Variants in NEK3 observed in about 807,000 individuals in gnomAD.
NEK3 encodes the protein serine/threonine-protein kinase Nek3.
A neutral mutation model predicts 66.0 loss-of-function variants in NEK3; 54 were observed. The observed-to-expected ratio is 0.82, with a 90% CI of 0.66 to 1.03. NEK3 has a LOEUF of 1.03. NEK3 is among the 50% of genes least tolerant of loss of function. NEK3 has a pLI of 0.00. For missense variants in NEK3, 593 were observed against 603.0 expected (o/e 0.98, Z 0.17); for synonymous variants, 200 against 206.2 (o/e 0.97, Z 0.26).
At chr13:52,152,423 C>G (rs1381452181) in intron 5 of NEK3, among the ~76,000 whole-genome samples, 186 bp downstream of exon 5, 1 of 152,046 alleles carries the variant, frequency 6.6e-6, no homozygotes, top group Non-Finnish European at 1.5e-5. Context: ...CATAAACATA[C>G]ATAATTTTTG....
At chr13:52,143,359 G>A (rs1441010254) in intron 10 of NEK3, among the ~76,000 whole-genome samples, 3 of 150,832 alleles carry the variant, frequency 2.0e-5, no homozygotes, top group Non-Finnish European at 4.4e-5. Flanking sequence ...GCAAAACTGA[G>A]TGGTGAATAC....
chr13:52,154,580 T>C (rs1324538043), intron 2 of NEK3, among the ~76,000 whole-genome samples: 1 of 151,682 alleles, frequency 6.6e-6, no homozygotes, highest in Non-Finnish European at 1.5e-5. Context: ...AGGGATTTCA[T>C]GTTTTGACTG....
rs1451131934 is a variant in NEK3 at position 52,133,950 on chromosome 13, C to T, written c.1310-135G>A. The T allele has an allele frequency of 9.8e-6, 8 of 816,094 alleles. No homozygotes were observed. The African/African-American group carries it at 1.2e-4, about 12-fold the overall frequency. 50.6% of individuals were successfully genotyped at this position (816,094 alleles called of 1,614,324 possible). On this transcript the variant is annotated intron_variant, in intron 14 of 15. Coordinates refer to ENST00000610828, the MANE Select transcript of NEK3 (RefSeq NM_002498.3). ...CCATAACTCTTTTGTAGTGTCTCCC[C>T]ACATTACCCAACATGATTGTAGGCA...
chr13:52,140,976 G>T, intron 11 of NEK3, 44 bp downstream of exon 11: 1 of 1,512,168 alleles, frequency 6.6e-7, no homozygotes, highest in South Asian at 1.2e-5. Context: ...CACCACGCCC[G>T]GCCACCGCGC....
Position 52,135,789 on chromosome 13 carries a change from T to G in NEK3, c.1249A>C (p.Asn417His), listed in dbSNP as rs772292324. ...WLKETPDTLLNILKNADLSLA... is the reference protein window; with the variant it reads ...WLKETPDTLLHILKNADLSLA... ...CTGAGATCAGCATTCTTAAGGATGT[T>G]CAACAAAGTGTCAGGGGTCTCTTTG... The change falls in exon 14 of 16, where the codon AAC becomes CAC. Residue 417 changes from asparagine to histidine, a missense_variant. By Grantham distance (68) the Asn-to-His change is moderately conservative. Coordinates refer to ENST00000610828, the MANE Select transcript of NEK3 (RefSeq NM_002498.3). The G allele has an allele frequency of 6.2e-7, 1 of 1,613,700 alleles. No homozygotes were observed. The highest frequency in any genetic ancestry group is 8.5e-7 in the Non-Finnish European group (1 of 1,179,682).
At chr13:52,144,914 AC>A in intron 8 of NEK3, 23 bp from the exon 9 acceptor site, 1 of 1,498,590 alleles carries the variant, frequency 6.7e-7, no homozygotes, top group Non-Finnish European at 9.2e-7. Flanking sequence ...ATTGAACTTT[AC>A]AAGCAGATAC....
chr13:52,148,400 G>A lies in NEK3; in HGVS notation c.603+15C>T, dbSNP rs762708140. The A allele has an allele frequency of 1.9e-6, 3 of 1,611,446 alleles. No individual in the cohort carries two copies. Among genetic ancestry groups the A allele is most frequent in the Non-Finnish European group, 8.5e-7 (1 of 1,178,298 alleles). On this transcript the variant is annotated intron_variant, in intron 8 of 15. Transcript: ENST00000610828. ...TATGACAAGCTGCCTTTTCCATTTT[G>A]CACGCCATACTTACTGGATGCTTAA...
chr13:52,138,747 T>C (rs1431084886), intron 11 of NEK3, among the ~76,000 whole-genome samples: 1 of 151,936 alleles, frequency 6.6e-6, no homozygotes, highest in African/African-American at 2.4e-5. Flanking sequence ...CTGGGCAACA[T>C]AGTGAGACCT....
intron 6 of NEK3, 40 bp from the exon 7 acceptor site, chr13:52,151,272 C>G: frequency 6.3e-7 from 1 of 1,595,348 alleles, no homozygotes; most frequent in East Asian, 2.2e-5. Context: ...ACAGAACATT[C>G]CTGAAAATTG....
At chr13:52,157,491 T>C (rs1391907747) in intron 1 of NEK3, 1 of 152,264 alleles carries the variant, frequency 6.6e-6, no homozygotes, top group Non-Finnish European at 1.5e-5. Context: ...ACAATGGTTG[T>C]GTGTGTGGTT....
rs533890180 is a variant in NEK3 at position 52,140,570 on chromosome 13, T to C, written c.927+450A>G. The stretch of plus-strand genomic sequence containing the variant: ...TTGCAGTGAGCCAAGATGGTGCCAC[T>C]GCACTCCAGCCTGGGTGACAGAGCA... On this transcript the variant is annotated intron_variant, in intron 11 of 15. Coordinates refer to ENST00000610828, the MANE Select transcript of NEK3 (RefSeq NM_002498.3). Among the ~76,000 whole-genome samples, 4 of 152,060 alleles carry C rather than the reference T, an allele frequency of 2.6e-5. No individual in the cohort carries two copies. The East Asian group carries it at 7.8e-4, about 30-fold the overall frequency.
At position 52,133,137 on chromosome 13, in the gene NEK3, A is replaced by G. The variant is rs1956168122; in HGVS notation, c.*5T>C. ...CAGCGTGACTCAGGAACATTTCCTC[A>G]GGCATTATCTGTCGCACAGGCCTTG... On this transcript the variant is annotated 3_prime_UTR_variant, in exon 16 of 16. Coordinates refer to ENST00000610828, the MANE Select transcript of NEK3 (RefSeq NM_002498.3). The G allele has an allele frequency of 6.2e-7, 1 of 1,606,410 alleles. No homozygotes were observed. The highest frequency in any genetic ancestry group is 2.2e-5 in the East Asian group (1 of 44,754).
At chr13:52,136,312 T>C in intron 12 of NEK3, 53 bp from the exon 13 acceptor site, 1 of 1,580,058 alleles carries the variant, frequency 6.3e-7, no homozygotes, top group Non-Finnish European at 8.7e-7. Context: ...TATGTATCCA[T>C]CTCTGTCCAC....
chr13:52,151,692 G>A (rs937999708), intron 5 of NEK3, among the ~76,000 whole-genome samples: 17 of 152,328 alleles, frequency 1.1e-4, no homozygotes, highest in African/African-American at 3.1e-4. Flanking sequence ...GGTGTCAACC[G>A]TTTTCCATCT....
chr13:52,146,606 T>C (rs1439011497), intron 8 of NEK3, among the ~76,000 whole-genome samples: 1 of 152,234 alleles, frequency 6.6e-6, no homozygotes, highest in Non-Finnish European at 1.5e-5. Flanking sequence ...AAAATAATTT[T>C]ATTTGTAGAC....
intron 13 of NEK3, 116 bp downstream of exon 13, chr13:52,136,000 T>C (rs2296348): frequency 2.7e-6 from 4 of 1,483,864 alleles, no homozygotes; most frequent in Admixed American, 3.8e-5. Context: ...GTATGAGCAA[T>C]GCTCTGATGT....
intron 2 of NEK3, 43 bp from the exon 3 acceptor site, chr13:52,154,216 T>A: frequency 8.4e-7 from 1 of 1,189,260 alleles, no homozygotes; most frequent in East Asian, 2.5e-5. Context: ...ATACTGCATT[T>A]TAAAATACAT....
At chr13:52,135,619 C>T (rs976030897) in intron 14 of NEK3, 110 bp downstream of exon 14, 4 of 933,282 alleles carry the variant, frequency 4.3e-6, no homozygotes, top group Non-Finnish European at 4.7e-6. Flanking sequence ...CTTAGTGCTA[C>T]TGAACTGTAC....
At chr13:52,143,418 T>C (rs1165404787) in intron 10 of NEK3, among the ~76,000 whole-genome samples, 1 of 151,870 alleles carries the variant, frequency 6.6e-6, no homozygotes, top group African/African-American at 2.4e-5. Context: ...ACCTCCCCAA[T>C]ACTAACATGC....
Sources: allele counts gnomAD v4.1 joint callset (sites outside exome capture counted in the v4.1 genomes callset), GRCh38; gene constraint gnomAD v4.1.1; transcripts MANE v1.5; gene names NCBI Gene and HGNC (gene_info 2026-07-23, HGNC 2026-07-21).